The following LARP1B variants were observed in gnomAD, a reference collection of about 807,000 sequenced individuals.
LARP1B encodes the protein La ribonucleoprotein 1B, also known as la-related protein 1B.
LARP1B carries 76 observed loss-of-function variants against 114.2 expected under a neutral mutation model. The ratio of observed to expected loss-of-function variants is 0.67; its 90% confidence interval spans 0.55 to 0.81. The LOEUF (loss-of-function observed/expected upper bound fraction) is 0.81. Ranked by LOEUF, LARP1B falls within the 30% of genes least tolerant of loss-of-function variation. LARP1B has a pLI of 0.00. For missense variants in LARP1B, 1,014 were observed against 1,075.8 expected (o/e 0.94, Z 0.80); for synonymous variants, 345 against 348.0 (o/e 0.99, Z 0.10).
chr4:128,181,801 C>CT lies in LARP1B; in HGVS notation c.2003+2311dup, dbSNP rs34136994. Among the ~76,000 whole-genome samples the CT allele has an allele frequency of 1.8e-3, 135 of 77,130 alleles. 4 individuals are homozygous for CT. Among genetic ancestry groups the CT allele is most frequent in the African/African-American group, 6.5e-3 (122 of 18,644 alleles). 50.6% of individuals were successfully genotyped at this position (77,130 alleles called of 152,430 possible). A position where few individuals can be genotyped will look rare whatever the true frequency, so the allele number is the denominator to read the frequency against. ...CAAACTTTATTATTATTATGATGTCCTTTTTTTTTTTTTTTTTTTTTTGAG... is the reference window on the plus strand; with the variant it reads ...CAAACTTTATTATTATTATGATGTCCTTTTTTTTTTTTTTTTTTTTTTTGAG... On this transcript the variant is annotated intron_variant, in intron 15 of 19. Transcript: ENST00000326639.
chr4:128,173,892 A>C (rs549691819), intron 12 of LARP1B, among the ~76,000 whole-genome samples: 49 of 152,236 alleles, frequency 3.2e-4, no homozygotes, highest in Non-Finnish European at 4.7e-4. Context: ...ATCATACTAA[A>C]GAGTTCCTCA....
chr4:128,169,487 TA>T (rs1742587775), intron 12 of LARP1B, among the ~76,000 whole-genome samples: 1 of 152,134 alleles, frequency 6.6e-6, no homozygotes, highest in African/African-American at 2.4e-5. Flanking sequence ...GTTTAATTTT[TA>T]AAATTTGGAT....
Position 128,210,245 on chromosome 4 carries a change from A to C in LARP1B, c.*192A>C. On this transcript the variant is annotated 3_prime_UTR_variant, in exon 20 of 20. Transcript: ENST00000326639. The stretch of plus-strand genomic sequence containing the variant: ...GTGGTAGCATTTTTTCTAACAAGAT[A>C]AATTCTAAAAATGTTTTCCCTGATT... 1 of 1,403,318 alleles carries C rather than the reference A, an allele frequency of 7.1e-7. No homozygotes were observed. Among genetic ancestry groups the C allele is most frequent in the Non-Finnish European group, 9.2e-7 (1 of 1,083,288 alleles). 86.9% of individuals were successfully genotyped at this position (1,403,318 alleles called of 1,614,324 possible). A position where few individuals can be genotyped will look rare whatever the true frequency, so the allele number is the denominator to read the frequency against.
rs768036058 is a variant in LARP1B at position 128,179,389 on chromosome 4, G to T, written c.1897-17G>T. On this transcript the variant is annotated splice_polypyrimidine_tract_variant and intron_variant, in intron 14 of 19. Transcript: ENST00000326639. ...ACTATTGAAACTAATTGCAATGCTT[G>T]ACTTTATTTTCTTTAGAGTCCAAGA... 3.3e-6 allele frequency: 5 copies of T among 1,530,960 alleles called. No individual in the cohort carries two copies. The highest frequency in any genetic ancestry group is 4.5e-6 in the Non-Finnish European group (5 of 1,120,144). The allele number at this position is 1,530,960 out of a possible 1,614,324, so 94.8% of individuals were successfully genotyped here.
chr4:128,077,017 G>A (rs1163497237), intron 3 of LARP1B, among the ~76,000 whole-genome samples: 3 of 151,998 alleles, frequency 2.0e-5, no homozygotes, highest in African/African-American at 4.8e-5. Context: ...GTGAGCCACC[G>A]AACCCATCTT....
intron 1 of LARP1B, among the ~76,000 whole-genome samples, chr4:128,065,561 T>G (rs1380264297): frequency 1.3e-5 from 2 of 151,908 alleles, no homozygotes; most frequent in Non-Finnish European, 2.9e-5. Context: ...TATTTGCAGT[T>G]AAATAACTTA....
chr4:128,110,153 C>T (rs1001628284), intron 9 of LARP1B, among the ~76,000 whole-genome samples: 3 of 152,110 alleles, frequency 2.0e-5, no homozygotes, highest in South Asian at 2.1e-4. Flanking sequence ...CAGCCCACCT[C>T]GGCCTCCTAA....
Position 128,114,578 on chromosome 4 carries a change from C to G in LARP1B, c.997C>G (p.Pro333Ala), listed in dbSNP as rs139146175. The G allele has an allele frequency of 7.4e-4, 1,198 of 1,609,898 alleles. 1 individual carries two copies. Among genetic ancestry groups the G allele is most frequent in the Non-Finnish European group, 9.7e-4 (1,141 of 1,178,090 alleles). The change falls in exon 10 of 20, where the codon CCA becomes GCA. Residue 333 changes from proline to alanine, a missense_variant. Coordinates refer to ENST00000326639, the MANE Select transcript of LARP1B (RefSeq NM_018078.4). ...QAFCSHTESA[P>A]NSPRIGSPLS... is the part of the protein sequence containing the mutation. ...CTAACTTAAAATTTTAGAGTCTGCC[C>G]CAAATTCTCCAAGAATTGGAAGCCC...
intron 5 of LARP1B, among the ~76,000 whole-genome samples, chr4:128,085,024 C>T (rs950354874): frequency 4.6e-5 from 7 of 151,902 alleles, no homozygotes; most frequent in South Asian, 2.1e-4. Context: ...CCACCACACC[C>T]GGCTAATTTT....
In LARP1B at chr4:128,137,789, A is replaced by AT. The variant is rs771782826; in HGVS notation, c.1524+15602dup. The stretch of plus-strand genomic sequence containing the variant: ...TGTATACATATATATATATATATAT[A>AT]TATTTTTTTTTTAGGGGGGTTGGTG... On this transcript the variant is annotated intron_variant, in intron 11 of 19. Transcript: ENST00000326639. Among the ~76,000 whole-genome samples, 176 of 129,926 alleles carry AT rather than the reference A, an allele frequency of 1.4e-3. 1 individual carries two copies. Among genetic ancestry groups the AT allele is most frequent in the African/African-American group, 4.9e-3 (166 of 34,100 alleles). 85.2% of individuals were successfully genotyped at this position (129,926 alleles called of 152,430 possible).
chr4:128,199,524 C>G lies in LARP1B; in HGVS notation c.2089C>G (p.Pro697Ala). 1 of 1,603,180 alleles carries G rather than the reference C, an allele frequency of 6.2e-7. No homozygotes were observed. The highest frequency in any genetic ancestry group is 1.1e-5 in the South Asian group (1 of 88,498). The change falls in exon 16 of 20, where the codon CCT (proline) becomes GCT (alanine). Residue 697 changes from proline to alanine, a missense_variant. By Grantham distance (27) the Pro-to-Ala change is conservative. Coordinates refer to ENST00000326639, the MANE Select transcript of LARP1B (RefSeq NM_018078.4). ...TPHSFPKFQH[P>A]SHELLKENGF... ...TCATTCATTCCCAAAGTTCCAGCAT[C>G]CTTCTCATGAACTTTTGAAGGAAAA...
chr4:128,206,531 G>A lies in LARP1B; in HGVS notation c.2413G>A (p.Glu805Lys), dbSNP rs1369255782. The A allele has an allele frequency of 1.2e-6, 2 of 1,607,498 alleles. No homozygotes were observed. Among genetic ancestry groups the A allele is most frequent in the Non-Finnish European group, 8.5e-7 (1 of 1,177,498 alleles). The change falls in exon 18 of 20, where the codon GAA becomes AAA. Residue 805 changes from glutamate to lysine, a missense_variant. Physicochemically the swap from Glu to Lys is moderately conservative, Grantham distance 56 (BLOSUM62 1). Transcript: ENST00000326639. ...DFQEETKKDY[E>K]SGQLYGLEKF... is the part of the protein sequence containing the mutation. ...CCAAGAAGAAACCAAAAAAGACTAC[G>A]AATCTGGTAACAATAACATCAGAAA...
At chr4:128,178,338 CT>C in intron 13 of LARP1B, 92 bp from the exon 14 acceptor site, 1 of 858,638 alleles carries the variant, frequency 1.2e-6, no homozygotes, top group Non-Finnish European at 1.8e-6. Flanking sequence ...GTGAAAAATC[CT>C]TTGAGCTTAG....
chr4:128,220,781 A>G (rs1465218925), intron 7 of LARP1B, among the ~76,000 whole-genome samples: 2 of 152,220 alleles, frequency 1.3e-5, no homozygotes, highest in Non-Finnish European at 2.9e-5. Context: ...TGGCTAACCT[A>G]AGCCATGTAG....
chr4:128,062,347 C>T (rs1760497627), intron 1 of LARP1B: 3 of 873,682 alleles, frequency 3.4e-6, no homozygotes, highest in Non-Finnish European at 4.1e-6. Context: ...CCCTGTCAGT[C>T]GGAGGTAATT....
intron 1 of LARP1B, among the ~76,000 whole-genome samples, chr4:128,063,399 G>A (rs561611136): frequency 2.8e-5 from 3 of 108,652 alleles, no homozygotes; most frequent in Non-Finnish European, 3.6e-5. Flanking sequence ...CTGCACTCCA[G>A]CCTGGTCGGC....
chr4:128,070,471 G>C (rs1348037643), intron 1 of LARP1B, among the ~76,000 whole-genome samples: 1 of 151,478 alleles, frequency 6.6e-6, no homozygotes, highest in Non-Finnish European at 1.5e-5. Flanking sequence ...GACCAGCCTG[G>C]CCAACATGGT....
At chr4:128,204,187 T>TAA (rs1237958343) in intron 17 of LARP1B, among the ~76,000 whole-genome samples, 1 of 151,336 alleles carries the variant, frequency 6.6e-6, no homozygotes, top group Non-Finnish European at 1.5e-5. Context: ...ATTTACTTGA[T>TAA]AAAAACCAAA....
intron 1 of LARP1B, chr4:128,069,645 A>G: frequency 1.7e-6 from 1 of 597,840 alleles, no homozygotes; most frequent in Middle Eastern, 5.0e-4. Flanking sequence ...GCTAGACAGA[A>G]GGGGCACGGA....
Sources: gnomAD v4.1 joint callset for allele counts (sites outside exome capture counted in the v4.1 genomes callset) on GRCh38, gnomAD v4.1.1 for gene constraint, MANE v1.5 for transcripts, NCBI Gene and HGNC (gene_info 2026-07-23, HGNC 2026-07-21) for gene names.